The following NMRK1 variants were observed in gnomAD, a reference collection of about 807,000 sequenced individuals.
NMRK1 encodes the protein nicotinamide riboside kinase 1.
Under a neutral mutation model 29.9 loss-of-function variants are expected in NMRK1, and 28 were observed. The ratio of observed to expected loss-of-function variants is 0.94; its 90% CI spans 0.69 to 1.28. The LOEUF (loss-of-function observed/expected upper bound fraction) is 1.28. NMRK1 is among the 50% of genes most tolerant of loss of function. The probability of loss-of-function intolerance (pLI) is 0.00; values close to 1 mark genes in which losing one functional copy is unlikely to be tolerated. For synonymous variants in NMRK1, 58 were observed against 73.0 expected (o/e 0.79, Z 1.05); for missense variants, 218 against 233.1 (o/e 0.94, Z 0.42).
chr9:75,068,065 T>C (rs1159037010), intron 7 of NMRK1, among the ~76,000 whole-genome samples: 1 of 152,170 alleles, frequency 6.6e-6, no homozygotes, highest in African/African-American at 2.4e-5. Context: ...GAGACATGCA[T>C]TCCTCCCTTA....
chr9:75,062,417 A>G lies in NMRK1; in HGVS notation c.581-850T>C, dbSNP rs571466197. Among the ~76,000 whole-genome samples the G allele has an allele frequency of 3.3e-5, 5 of 152,288 alleles. No homozygotes were observed. The East Asian group carries it at 9.6e-4, about 29-fold the overall frequency. ...TTTGATTTGGAACTAGACATGTGAC[A>G]TGTTTCTTCTGTACTAAAGGGTCAA... On this transcript the variant is annotated intron_variant, in intron 8 of 8. Transcript: ENST00000361092.
chr9:75,084,151 C>T (rs1587409597), intron 1 of NMRK1, among the ~76,000 whole-genome samples: 1 of 152,316 alleles, frequency 6.6e-6, no homozygotes, highest in African/African-American at 2.4e-5. Flanking sequence ...AAAGGTGAAG[C>T]ACAGCTGGAG....
chr9:75,086,434 G>A (rs948304860), intron 1 of NMRK1, among the ~76,000 whole-genome samples: 10 of 152,202 alleles, frequency 6.6e-5, no homozygotes, highest in Non-Finnish European at 1.0e-4. Flanking sequence ...CCTCAACAGC[G>A]GAGAGCTTTT....
chr9:75,069,383 T>C (rs1823561208), intron 6 of NMRK1: 6 of 475,136 alleles, frequency 1.3e-5, no homozygotes, highest in Non-Finnish European at 1.9e-5. Context: ...ATAGTGTAAA[T>C]AACAATGGAG....
Position 75,068,978 on chromosome 9 carries a change from A to G in NMRK1, c.496+18T>C. 2 of 1,541,454 alleles carry G rather than the reference A, an allele frequency of 1.3e-6. No homozygotes were observed. Among genetic ancestry groups the G allele is most frequent in the Non-Finnish European group, 9.0e-7 (1 of 1,113,926 alleles). On this transcript the variant is annotated intron_variant, in intron 7 of 8. Transcript: ENST00000361092. ...TGACAAGTAAAAGGCCTTGAACAGA[A>G]GGAGAAAAGGCACTTACCAACTTCC... is the stretch of plus-strand genomic sequence containing the variant.
In NMRK1 at chr9:75,061,333, C is replaced by T; in HGVS notation, c.*215G>A. On this transcript the variant is annotated 3_prime_UTR_variant, in exon 9 of 9. Transcript: ENST00000361092. ...TGAGCTCTGCTGTATCTATGCGCTC[C>T]CTGGAGAGGGAGCAACTTGCTAAGG... 1 of 512,246 alleles carries T rather than the reference C, an allele frequency of 2.0e-6. No individual in the cohort carries two copies. The highest frequency in any genetic ancestry group is 3.4e-6 in the Non-Finnish European group (1 of 290,464). The allele number at this position is 512,246 out of a possible 1,614,324, so 31.7% of individuals were successfully genotyped here.
intron 2 of NMRK1, among the ~76,000 whole-genome samples, chr9:75,080,624 C>G (rs1824263903): frequency 1.3e-5 from 2 of 152,148 alleles, no homozygotes; most frequent in Non-Finnish European, 2.9e-5. Flanking sequence ...TGCACTCCAG[C>G]CTGGGCGAGC....
In NMRK1 at chr9:75,069,912, A is replaced by G. The variant is rs368664142; in HGVS notation, c.300T>C (p.Phe100=). ...EEIPILIIEG[F]LLFNYKPLDT... ...ATGCTTACTTATAATTAAAAAGAAG[A>G]AAACCTTCGATGATTAAAATGGGAA... The change falls in exon 5 of 9, where the codon TTT becomes TTC. Residue 100 remains phenylalanine (F), a synonymous_variant. Coordinates refer to ENST00000361092, the MANE Select transcript of NMRK1 (RefSeq NM_017881.3). 3 of 1,613,720 alleles carry G rather than the reference A, an allele frequency of 1.9e-6. No individual in the cohort carries two copies. The highest frequency in any genetic ancestry group is 1.3e-5 in the African/African-American group (1 of 74,914).
chr9:75,079,099 TC>T (rs1189189725), intron 2 of NMRK1, among the ~76,000 whole-genome samples: 1 of 152,156 alleles, frequency 6.6e-6, no homozygotes, highest in African/African-American at 2.4e-5. Flanking sequence ...ATACTTATAA[TC>T]TAGAAAAGGG....
intron 2 of NMRK1, among the ~76,000 whole-genome samples, chr9:75,080,991 G>T (rs918984996): frequency 1.3e-5 from 2 of 152,100 alleles, no homozygotes; most frequent in Admixed American, 1.3e-4. Flanking sequence ...AAATTACTAA[G>T]CTTCAGGCAT....
At chr9:75,076,899 G>A (rs1824022707) in intron 4 of NMRK1, among the ~76,000 whole-genome samples, 1 of 152,072 alleles carries the variant, frequency 6.6e-6, no homozygotes, top group African/African-American at 2.4e-5. Context: ...TGGCCCCAGT[G>A]TTTTCAGTTT....
At position 75,061,005 on chromosome 9, in the gene NMRK1, A is replaced by G. The variant is rs1430492273; in HGVS notation, c.*543T>C. On this transcript the variant is annotated 3_prime_UTR_variant, in exon 9 of 9. Coordinates refer to ENST00000361092, the MANE Select transcript of NMRK1 (RefSeq NM_017881.3). ...TTATTTGCAGGTGGTGAGTGTTGGT[A>G]TGGGATGGTATGGAGCAACATTTTC... 6.6e-6 allele frequency: 1 copy of G among 152,508 alleles called. No individual in the cohort carries two copies. The highest frequency in any genetic ancestry group is 1.5e-5 in the Non-Finnish European group (1 of 68,358). The allele number at this position is 152,508 out of a possible 1,614,324, so 9.4% of individuals were successfully genotyped here.
chr9:75,085,552 C>T (rs1439525928), intron 1 of NMRK1, among the ~76,000 whole-genome samples: 3 of 151,876 alleles, frequency 2.0e-5, no homozygotes, highest in East Asian at 3.9e-4. Flanking sequence ...CCTAAACTGC[C>T]ACATCTGTGG....
At chr9:75,076,351 A>C (rs1823986224) in intron 4 of NMRK1, among the ~76,000 whole-genome samples, 1 of 152,210 alleles carries the variant, frequency 6.6e-6, no homozygotes, top group Non-Finnish European at 1.5e-5. Flanking sequence ...CCATGTCCTC[A>C]TGCATATGTG....
chr9:75,070,831 T>A (rs966064862), intron 4 of NMRK1, among the ~76,000 whole-genome samples: 1 of 152,210 alleles, frequency 6.6e-6, no homozygotes, highest in African/African-American at 2.4e-5. Context: ...GTAAGCGATG[T>A]CTTTCTAGGA....
intron 2 of NMRK1, chr9:75,078,294 AC>A: frequency 1.9e-6 from 3 of 1,555,216 alleles, no homozygotes; most frequent in Non-Finnish European, 2.6e-6. Flanking sequence ...AGTGGAAAAA[AC>A]AGAGGAGTGG....
Position 75,066,951 on chromosome 9 carries a change from C to G in NMRK1, c.497-111G>C, listed in dbSNP as rs566591097. The G allele has an allele frequency of 6.2e-6, 4 of 642,486 alleles. No individual in the cohort carries two copies. The East Asian group carries it at 1.1e-4, about 17-fold the overall frequency. 39.8% of individuals were successfully genotyped at this position (642,486 alleles called of 1,614,324 possible). On this transcript the variant is annotated intron_variant, in intron 7 of 8. Transcript: ENST00000361092. Reference sequence around the variant, plus strand: ...ATGCCAATAGGTTTAACCAAGGCACCCAGGACCATAACTTAAAAGGAAATT... The same window carrying G: ...ATGCCAATAGGTTTAACCAAGGCACGCAGGACCATAACTTAAAAGGAAATT...
chr9:75,065,552 C>T (rs1268057314), intron 8 of NMRK1, among the ~76,000 whole-genome samples: 1 of 151,956 alleles, frequency 6.6e-6, no homozygotes, highest in Non-Finnish European at 1.5e-5. Context: ...CTCCTGGCCC[C>T]AAGCAATCCT....
chr9:75,071,568 T>C (rs915929697), intron 4 of NMRK1, among the ~76,000 whole-genome samples: 1 of 152,224 alleles, frequency 6.6e-6, no homozygotes, highest in Admixed American at 6.5e-5. Context: ...CTCAGCTGTG[T>C]CCAGGACATT....
Sources: gnomAD v4.1 joint callset for allele counts (sites outside exome capture counted in the v4.1 genomes callset) on GRCh38, gnomAD v4.1.1 for gene constraint, MANE v1.5 for transcripts, NCBI Gene and HGNC (gene_info 2026-07-23, HGNC 2026-07-21) for gene names.